Variants in ACVR1 observed in about 807,000 individuals in gnomAD.
ACVR1 encodes activin A receptor type 1, also known as activin receptor type-1.
ACVR1 carries 38 observed loss-of-function variants against 57.1 expected under a neutral mutation model. The observed-to-expected ratio is 0.67, with a 90% CI of 0.51 to 0.87. The LOEUF (loss-of-function observed/expected upper bound fraction) is 0.87, where lower values mean the gene tolerates loss of function less well. Among genes scored for constraint, ACVR1 ranks in the 40% least tolerant of loss-of-function variants. ACVR1 has a pLI of 0.00. For synonymous variants in ACVR1, 212 were observed against 228.1 expected, an observed-to-expected ratio of 0.93 and a Z score of 0.63; for missense variants, 463 against 638.2, an observed-to-expected ratio of 0.73 and a Z score of 2.96.
At chr2:157,835,021 G>T (rs1688729722) in intron 1 of ACVR1, among the ~76,000 whole-genome samples, 1 of 152,126 alleles carries the variant, frequency 6.6e-6, no homozygotes, top group Non-Finnish European at 1.5e-5. Flanking sequence ...TAAACGTCGG[G>T]TCTTTATAAG....
At chr2:157,862,422 T>TAC (rs68077740) in intron 1 of ACVR1, among the ~76,000 whole-genome samples, 2,004 of 143,726 alleles carry the variant, frequency 0.014, 37 homozygotes, top group African/African-American at 0.044. Context: ...CATATACACA[T>TAC]ACACACACAC....
At chr2:157,739,125 A>G (rs911575793) in intron 9 of ACVR1, among the ~76,000 whole-genome samples, 1 of 152,258 alleles carries the variant, frequency 6.6e-6, no homozygotes, top group Non-Finnish European at 1.5e-5. Context: ...GATGCAAATA[A>G]TATCATAGGA....
At chr2:157,746,056 TAATC>T (rs769915293) in intron 9 of ACVR1, among the ~76,000 whole-genome samples, 18 of 152,076 alleles carry the variant, frequency 1.2e-4, no homozygotes, top group Middle Eastern at 3.2e-3. Flanking sequence ...CATCACAAAA[TAATC>T]AAAGCCAGTA....
At chr2:157,758,638 A>T (rs535597754) in intron 9 of ACVR1, among the ~76,000 whole-genome samples, 1 of 152,252 alleles carries the variant, frequency 6.6e-6, no homozygotes, top group South Asian at 2.1e-4. Context: ...AGCACTGAAC[A>T]GATCATCTAG....
At chr2:157,745,662 T>C (rs376432993) in intron 9 of ACVR1, among the ~76,000 whole-genome samples, 4 of 152,280 alleles carry the variant, frequency 2.6e-5, no homozygotes, top group African/African-American at 9.6e-5. Context: ...TTGTCCTAAA[T>C]GTTAAAACAA....
At chr2:157,780,646 T>TA in intron 3 of ACVR1, 46 bp from the exon 4 acceptor site, 1 of 1,595,566 alleles carries the variant, frequency 6.3e-7, no homozygotes, top group Non-Finnish European at 8.6e-7. Context: ...AAAGAGGAAT[T>TA]ACCGTATGAG....
chr2:157,817,973 G>C (rs1426017714), intron 2 of ACVR1, among the ~76,000 whole-genome samples: 2 of 148,116 alleles, frequency 1.4e-5, no homozygotes, highest in African/African-American at 2.5e-5. Flanking sequence ...CTGCACTCCA[G>C]CCTAGGTGAC....
At chr2:157,829,715 C>A (rs1480602850) in intron 1 of ACVR1, among the ~76,000 whole-genome samples, 1 of 152,188 alleles carries the variant, frequency 6.6e-6, no homozygotes, top group Non-Finnish European at 1.5e-5. Context: ...CAGGATCAGC[C>A]CCAGCATCAC....
chr2:157,792,982 G>T (rs1453652542), intron 3 of ACVR1, among the ~76,000 whole-genome samples: 1 of 152,194 alleles, frequency 6.6e-6, no homozygotes, highest in African/African-American at 2.4e-5. Flanking sequence ...ATCCCGGGCT[G>T]CAGAGGAAAG....
At chr2:157,809,423 G>A (rs1025834154) in intron 2 of ACVR1, among the ~76,000 whole-genome samples, 1 of 152,054 alleles carries the variant, frequency 6.6e-6, no homozygotes, top group Non-Finnish European at 1.5e-5. Context: ...TCCATCAAAA[G>A]TATAAATATG....
chr2:157,807,453 T>C (rs1404857713), intron 2 of ACVR1, among the ~76,000 whole-genome samples: 1 of 152,138 alleles, frequency 6.6e-6, no homozygotes, highest in Non-Finnish European at 1.5e-5. Context: ...ACGGTCCACC[T>C]GCTTTGTTTC....
chr2:157,837,571 A>G (rs1235123689), intron 1 of ACVR1, among the ~76,000 whole-genome samples: 1 of 152,256 alleles, frequency 6.6e-6, no homozygotes, highest in Non-Finnish European at 1.5e-5. Flanking sequence ...CATCTGTGAT[A>G]AGTGACTGTT....
intron 3 of ACVR1, among the ~76,000 whole-genome samples, chr2:157,783,216 T>C (rs1002515239): frequency 2.0e-5 from 3 of 152,230 alleles, no homozygotes; most frequent in East Asian, 1.9e-4. Context: ...ATTTCTCTAA[T>C]GTGCTCTCAA....
chr2:157,861,759 C>A (rs1689726180), intron 1 of ACVR1, among the ~76,000 whole-genome samples: 1 of 152,202 alleles, frequency 6.6e-6, no homozygotes, highest in African/African-American at 2.4e-5. Context: ...GGCAATGCAT[C>A]ATACTTAAGA....
chr2:157,766,006 T>C lies in ACVR1; in HGVS notation c.981A>G (p.Gln327=). Residue 327 remains glutamine (Q), a synonymous_variant, in exon 8 of 11, where the codon CAA becomes CAG. Coordinates refer to ENST00000434821, the MANE Select transcript of ACVR1 (RefSeq NM_001111067.4). ...AHLHIEIFGT[Q]GKPAIAHRDL... ...CTCGATGGGCAATGGCTGGTTTCCC[T>C]TGGGTCCCAAATATCTCTATGTGCA... 6.2e-7 allele frequency: 1 copy of C among 1,614,194 alleles called. No individual in the cohort carries two copies. The highest frequency in any genetic ancestry group is 1.1e-5 in the South Asian group (1 of 91,084).
chr2:157,849,599 AACTT>A (rs1689229295), intron 1 of ACVR1, among the ~76,000 whole-genome samples: 1 of 152,236 alleles, frequency 6.6e-6, no homozygotes, highest in Non-Finnish European at 1.5e-5. Context: ...TCAATTTAAG[AACTT>A]ACTTTGCTTC....
intron 1 of ACVR1, among the ~76,000 whole-genome samples, chr2:157,857,938 A>G (rs1172469441): frequency 1.3e-5 from 2 of 152,080 alleles, no homozygotes; most frequent in Non-Finnish European, 2.9e-5. Flanking sequence ...CCTTGTTGAC[A>G]TAACTTCCAT....
At chr2:157,737,790 C>T (rs775226417) in intron 10 of ACVR1, 125 bp from the exon 11 acceptor site, 126 of 1,254,032 alleles carry the variant, frequency 1.0e-4, no homozygotes, top group Non-Finnish European at 1.4e-4. Context: ...AGTTATGTTA[C>T]TGTCATCTTC....
chr2:157,757,008 T>TCTCAA (rs1685458327), intron 9 of ACVR1, among the ~76,000 whole-genome samples: 1 of 134,722 alleles, frequency 7.4e-6, no homozygotes, highest in Non-Finnish European at 1.5e-5. Context: ...ATATTTGAGA[T>TCTCAA]ATATATATAT....
Sources: gnomAD v4.1 joint callset for allele counts (sites outside exome capture counted in the v4.1 genomes callset) on GRCh38, gnomAD v4.1.1 for gene constraint, MANE v1.5 for transcripts, NCBI Gene and HGNC (gene_info 2026-07-23, HGNC 2026-07-21) for gene names.